The following PARD3B variants were observed in gnomAD, a reference collection of about 807,000 sequenced individuals.
The protein encoded by PARD3B is par-3 family cell polarity regulator beta.
Under a neutral mutation model 130.2 loss-of-function variants are expected in PARD3B, and 103 were observed. The observed-to-expected ratio is 0.79, with a 90% CI of 0.67 to 0.93. The LOEUF (loss-of-function observed/expected upper bound fraction) is 0.93, where lower values mean the gene tolerates loss of function less well. Among genes scored for constraint, PARD3B ranks in the 40% least tolerant of loss-of-function variants. The probability of loss-of-function intolerance (pLI) is 0.00; values close to 1 mark genes in which losing one functional copy is unlikely to be tolerated. For synonymous variants in PARD3B, 583 were observed against 553.2 expected (o/e 1.05, Z -0.76); for missense variants, 1,609 against 1,499.2 (o/e 1.07, Z -1.21).
chr2:204,856,540 A>G (rs1165483989), intron 2 of PARD3B, among the ~76,000 whole-genome samples: 1 of 152,094 alleles, frequency 6.6e-6, no homozygotes, highest in Non-Finnish European at 1.5e-5. Context: ...AACAATTTTT[A>G]GTTTGATGCA....
chr2:204,914,180 A>G (rs138161165), intron 2 of PARD3B, among the ~76,000 whole-genome samples: 1 of 152,200 alleles, frequency 6.6e-6, no homozygotes, highest in Non-Finnish European at 1.5e-5. Context: ...CCTGGGATTC[A>G]GTCTGTGAGA....
intron 4 of PARD3B, among the ~76,000 whole-genome samples, chr2:205,103,938 G>A (rs79230490): frequency 0.02 from 2,993 of 152,250 alleles, 90 homozygotes; most frequent in African/African-American, 0.068. Flanking sequence ...TAAGAGTTCT[G>A]GATTTCTTCT....
rs77701434 is a variant in PARD3B, at chr2:205,478,366, A to C, written c.3045-21530A>C. Among the ~76,000 whole-genome samples the C allele has an allele frequency of 2.2e-3, 341 of 152,278 alleles. 3 individuals carry two copies. Among genetic ancestry groups the C allele is most frequent in the East Asian group, 0.016 (82 of 5,182 alleles). ...AAAATATTAATGAGAGCACTTCAAA[A>C]TGTAGGTTGTTGAATTTTAAATTAA... On this transcript the variant is annotated intron_variant, in intron 20 of 22. Coordinates refer to ENST00000406610, the MANE Select transcript of PARD3B (RefSeq NM_001302769.2).
At chr2:205,490,473 G>A (rs1379356939) in intron 20 of PARD3B, among the ~76,000 whole-genome samples, 15 of 152,210 alleles carry the variant, frequency 9.9e-5, no homozygotes, top group African/African-American at 2.4e-4. Flanking sequence ...ATAGTATTCT[G>A]TGGTGTATAT....
chr2:204,991,292 G>A (rs1693659126), intron 3 of PARD3B, among the ~76,000 whole-genome samples: 1 of 141,336 alleles, frequency 7.1e-6, no homozygotes, highest in Non-Finnish European at 1.5e-5. Flanking sequence ...TGATCTCATT[G>A]TTCAATTCCC....
intron 2 of PARD3B, among the ~76,000 whole-genome samples, chr2:204,819,662 G>A (rs2043266683): frequency 6.6e-6 from 1 of 152,114 alleles, no homozygotes; most frequent in Non-Finnish European, 1.5e-5. Flanking sequence ...AGCTAAACCT[G>A]TTGCACCAAA....
intron 20 of PARD3B, among the ~76,000 whole-genome samples, chr2:205,475,409 G>T: frequency 6.6e-6 from 1 of 152,290 alleles, no homozygotes; most frequent in Middle Eastern, 3.4e-3. Context: ...TGTCAGGCTT[G>T]TTTGATAGAC....
chr2:205,507,936 C>T (rs2050436317), intron 21 of PARD3B, among the ~76,000 whole-genome samples: 1 of 152,158 alleles, frequency 6.6e-6, no homozygotes, highest in East Asian at 1.9e-4. Flanking sequence ...CTGAATTATT[C>T]ATGAGAAATT....
intron 20 of PARD3B, among the ~76,000 whole-genome samples, chr2:205,480,729 C>T (rs1255340615): frequency 6.6e-6 from 1 of 152,146 alleles, no homozygotes; most frequent in Non-Finnish European, 1.5e-5. Context: ...CTCTCAACAC[C>T]TTCTGTTCTT....
At chr2:204,603,428 C>G (rs950766461) in intron 1 of PARD3B, among the ~76,000 whole-genome samples, 6 of 152,064 alleles carry the variant, frequency 3.9e-5, no homozygotes, top group Admixed American at 3.9e-4. Context: ...GTTCATTTCT[C>G]TACTGGGGCA....
At chr2:205,254,323 G>C (rs928819882) in intron 16 of PARD3B, among the ~76,000 whole-genome samples, 4 of 151,922 alleles carry the variant, frequency 2.6e-5, no homozygotes, top group Non-Finnish European at 5.9e-5. Context: ...ACTCAACCTG[G>C]AAAATCTGAA....
chr2:205,257,235 C>A (rs116022016), intron 16 of PARD3B, among the ~76,000 whole-genome samples: 2,881 of 152,052 alleles, frequency 0.019, 40 homozygotes, highest in Non-Finnish European at 0.029. Flanking sequence ...AACCGCATAC[C>A]CCTACGAAAC....
intron 21 of PARD3B, among the ~76,000 whole-genome samples, chr2:205,506,798 A>C (rs1010916781): frequency 1.3e-5 from 2 of 152,252 alleles, no homozygotes; most frequent in Non-Finnish European, 2.9e-5. Context: ...ATTCTGGTTT[A>C]GGCAATAGCT....
chr2:205,271,711 G>A (rs1438338971), intron 16 of PARD3B, among the ~76,000 whole-genome samples: 1 of 152,046 alleles, frequency 6.6e-6, no homozygotes, highest in Non-Finnish European at 1.5e-5. Flanking sequence ...CCCCAAATGT[G>A]GATTGGGAAT....
chr2:205,223,056 G>A (rs2038327483), intron 15 of PARD3B, among the ~76,000 whole-genome samples: 1 of 152,108 alleles, frequency 6.6e-6, no homozygotes, highest in African/African-American at 2.4e-5. Flanking sequence ...GAGCAGAGAT[G>A]GAGAGAATAT....
In PARD3B at chr2:204,552,719, C is replaced by T. The variant is rs146237455; in HGVS notation, c.120+6600C>T. 5.3e-3 allele frequency among the ~76,000 whole-genome samples: 814 copies of T among 152,290 alleles called. 3 individuals carry two copies. The highest frequency in any genetic ancestry group is 8.2e-3 in the Non-Finnish European group (558 of 68,032). On this transcript the variant is annotated intron_variant, in intron 1 of 22. Coordinates refer to ENST00000406610, the MANE Select transcript of PARD3B (RefSeq NM_001302769.2). ...TCCAGCTTCATTCTCCTACATGTGG[C>T]TTGCCAATTATCGCAGCACCATTTG...
rs2039357368 is a variant in PARD3B at position 205,241,631 on chromosome 2, A to G, written c.2141-4147A>G. ...AAGGAGAAAAAATTCTGTCATCAGA[A>G]CGAGAACAAGAAACTTAGACTCTTG... On this transcript the variant is annotated intron_variant, in intron 15 of 22. Coordinates refer to ENST00000406610, the MANE Select transcript of PARD3B (RefSeq NM_001302769.2). This position sits in a 1 kb window ranked among gnomAD's most constrained non-coding sequence, Gnocchi z 4.2. Among the ~76,000 whole-genome samples, 1 of 152,186 alleles carries G rather than the reference A, an allele frequency of 6.6e-6. No individual in the cohort carries two copies. Among genetic ancestry groups the G allele is most frequent in the Non-Finnish European group, 1.5e-5 (1 of 68,002 alleles).
chr2:205,037,204 G>A (rs1293730887), intron 3 of PARD3B, among the ~76,000 whole-genome samples: 5 of 145,210 alleles, frequency 3.4e-5, no homozygotes, highest in Non-Finnish European at 6.0e-5. Context: ...TATATATAGC[G>A]GACTATATAT....
chr2:205,611,446 C>T (rs1387097724), intron 22 of PARD3B, among the ~76,000 whole-genome samples: 1 of 152,190 alleles, frequency 6.6e-6, no homozygotes, highest in Non-Finnish European at 1.5e-5. Flanking sequence ...TACTGACATA[C>T]TGACATGGCA....
Sources: gnomAD v4.1 joint callset for allele counts (sites outside exome capture counted in the v4.1 genomes callset) on GRCh38, gnomAD v4.1.1 for gene constraint, Gnocchi (gnomAD v3.1) non-coding constraint, MANE v1.5 for transcripts, NCBI Gene and HGNC (gene_info 2026-07-23, HGNC 2026-07-21) for gene names.